MACROD2: variants seen among roughly 807,000 people sequenced by gnomAD.
MACROD2 encodes ADP-ribose glycohydrolase MACROD2.
Under a neutral mutation model 70.4 loss-of-function variants are expected in MACROD2, and 36 were observed. The ratio of observed to expected loss-of-function variants is 0.51; its 90% CI spans 0.39 to 0.68. The LOEUF is 0.68. MACROD2 is among the 30% of genes least tolerant of loss of function. The probability of loss-of-function intolerance (pLI) is 0.00; values close to 1 mark genes in which losing one functional copy is unlikely to be tolerated. For missense variants in MACROD2, 496 were observed against 538.4 expected (o/e 0.92, Z 0.78); for synonymous variants, 172 against 178.8 (o/e 0.96, Z 0.30).
chr20:14,196,407 GA>G (rs1430686723), intron 3 of MACROD2, among the ~76,000 whole-genome samples: 1 of 152,186 alleles, frequency 6.6e-6, no homozygotes, highest in Non-Finnish European at 1.5e-5. Context: ...GGCAGTAAAA[GA>G]GTAGGTATTT....
intron 6 of MACROD2, among the ~76,000 whole-genome samples, chr20:15,415,085 C>A (rs181139966): frequency 6.6e-6 from 1 of 152,194 alleles, no homozygotes; most frequent in East Asian, 1.9e-4. Flanking sequence ...GAAGTTAGAA[C>A]AAATAACTAC....
At chr20:14,173,477 T>TAA (rs796414905) in intron 3 of MACROD2, among the ~76,000 whole-genome samples, 7 of 151,970 alleles carry the variant, frequency 4.6e-5, no homozygotes, top group African/African-American at 7.2e-5. Context: ...GATTATTTTT[T>TAA]ATTTATGCTA....
At chr20:15,288,012 T>C (rs2077507268) in intron 6 of MACROD2, among the ~76,000 whole-genome samples, 1 of 152,218 alleles carries the variant, frequency 6.6e-6, no homozygotes, top group Admixed American at 6.5e-5. Context: ...GATAGTGATA[T>C]AGGGCGGAAA....
At chr20:15,656,619 T>C (rs2049734603) in intron 8 of MACROD2, among the ~76,000 whole-genome samples, 1 of 152,100 alleles carries the variant, frequency 6.6e-6, no homozygotes, top group African/African-American at 2.4e-5. Flanking sequence ...AAGGAAAGGT[T>C]TAGTGTAAAT....
chr20:14,413,950 A>G (rs2083776524), intron 3 of MACROD2, among the ~76,000 whole-genome samples: 1 of 152,138 alleles, frequency 6.6e-6, no homozygotes, highest in Non-Finnish European at 1.5e-5. Flanking sequence ...TTGATTATAA[A>G]TGTGACTTTT....
chr20:15,035,505 A>T (rs2075306068), intron 5 of MACROD2, among the ~76,000 whole-genome samples: 1 of 152,186 alleles, frequency 6.6e-6, no homozygotes, highest in Non-Finnish European at 1.5e-5. Context: ...ATTTTCTTTA[A>T]GTGAAATTTG....
intron 6 of MACROD2, among the ~76,000 whole-genome samples, chr20:15,257,995 G>A (rs2077214525): frequency 6.6e-6 from 1 of 151,630 alleles, no homozygotes; most frequent in Non-Finnish European, 1.5e-5. Flanking sequence ...GTAGGCCTAG[G>A]CTAATGTGTG....
chr20:14,886,505 C>G (rs1319630140), intron 5 of MACROD2, among the ~76,000 whole-genome samples: 2 of 152,110 alleles, frequency 1.3e-5, no homozygotes, highest in African/African-American at 4.8e-5. Flanking sequence ...TAAGGGATCC[C>G]CTTCACATCC....
intron 3 of MACROD2, among the ~76,000 whole-genome samples, chr20:14,444,982 G>T (rs1257397278): frequency 1.3e-5 from 2 of 151,938 alleles, no homozygotes; most frequent in Non-Finnish European, 2.9e-5. Context: ...TGCTACAATA[G>T]CCTTTGTCTC....
chr20:15,704,235 A>C (rs1316071622), intron 8 of MACROD2, among the ~76,000 whole-genome samples: 1 of 152,144 alleles, frequency 6.6e-6, no homozygotes, highest in East Asian at 1.9e-4. Context: ...ACCTTCTCTG[A>C]ATCCTTTAGC....
chr20:15,207,174 C>A (rs1463222787), intron 5 of MACROD2, among the ~76,000 whole-genome samples: 1 of 152,096 alleles, frequency 6.6e-6, no homozygotes, highest in Non-Finnish European at 1.5e-5. Flanking sequence ...TTTCCTGATG[C>A]CTCAAAATTA....
intron 15 of MACROD2, among the ~76,000 whole-genome samples, chr20:16,021,275 C>T (rs886407634): frequency 1.3e-5 from 2 of 152,238 alleles, no homozygotes; most frequent in African/African-American, 4.8e-5. Flanking sequence ...ACCGCATTCT[C>T]TCCTGGACAT....
intron 3 of MACROD2, among the ~76,000 whole-genome samples, chr20:14,442,798 C>T (rs1213368772): frequency 3.3e-5 from 5 of 152,018 alleles, no homozygotes; most frequent in African/African-American, 1.2e-4. Context: ...ACTACAGGGC[C>T]GGGCACGGTG....
chr20:15,229,136 C>T (rs2145980640), intron 5 of MACROD2, among the ~76,000 whole-genome samples: 1 of 152,192 alleles, frequency 6.6e-6, no homozygotes, highest in East Asian at 1.9e-4. Flanking sequence ...AGGACAGTCC[C>T]CTTTCACTAC....
intron 3 of MACROD2, among the ~76,000 whole-genome samples, chr20:14,111,483 A>G (rs2054450769): frequency 6.6e-6 from 1 of 152,080 alleles, no homozygotes; most frequent in African/African-American, 2.4e-5. Context: ...AATAACCAGA[A>G]TATGTAAGGA....
intron 5 of MACROD2, chr20:14,894,188 A>G (rs1488487978): frequency 6.6e-6 from 1 of 152,054 alleles, no homozygotes; most frequent in East Asian, 1.9e-4. Flanking sequence ...AATCAAACTG[A>G]AACTTAAGAC....
intron 3 of MACROD2, among the ~76,000 whole-genome samples, chr20:14,435,140 A>G (rs1234260626): frequency 1.3e-5 from 2 of 152,208 alleles, no homozygotes; most frequent in Non-Finnish European, 2.9e-5. Context: ...GCTTCAAGAA[A>G]TAAAGAATCC....
chr20:15,984,951 G>A (rs1344921851), intron 13 of MACROD2, among the ~76,000 whole-genome samples: 1 of 152,074 alleles, frequency 6.6e-6, no homozygotes, highest in African/African-American at 2.4e-5. Context: ...AAAACTAGCT[G>A]TAACTGTCTA....
At chr20:15,375,339 A>T (rs563502458) in intron 6 of MACROD2, among the ~76,000 whole-genome samples, 1 of 152,094 alleles carries the variant, frequency 6.6e-6, no homozygotes, top group Admixed American at 6.6e-5. Flanking sequence ...GATTTGGAAC[A>T]ACAAGGTGAA....
Sources: allele counts gnomAD v4.1 joint callset (sites outside exome capture counted in the v4.1 genomes callset), GRCh38; gene constraint gnomAD v4.1.1; transcripts MANE v1.5; gene names NCBI Gene and HGNC (gene_info 2026-07-23, HGNC 2026-07-21).